ZNF385C: variants seen among roughly 807,000 people sequenced by gnomAD.
ZNF385C encodes the protein CTD-2132N18.2.
A neutral mutation model predicts 35.4 loss-of-function variants in ZNF385C; 28 were observed. That is an observed-to-expected ratio of 0.79 (90% CI 0.59 to 1.08). The LOEUF (loss-of-function observed/expected upper bound fraction) is 1.08. Ranked by LOEUF, ZNF385C falls within the 50% of genes least tolerant of loss-of-function variation. ZNF385C has a pLI of 0.00. For synonymous variants in ZNF385C, 248 were observed against 248.2 expected (o/e 1.00, Z 0.01); for missense variants, 605 against 595.6 (o/e 1.02, Z -0.16).
In ZNF385C at chr17:42,029,042, G is replaced by A; in HGVS notation, c.708C>T (p.Leu236=). The A allele has an allele frequency of 1.9e-6, 3 of 1,550,152 alleles. No individual in the cohort carries two copies. Among genetic ancestry groups the A allele is most frequent in the South Asian group, 1.2e-5 (1 of 84,058 alleles). Reference sequence around the variant, plus strand: ...TAGGGTCTGGAGTTGGTGGTGGCTGGAGTGGAGGCCCAAGAGGAGGGGCTG... The same window carrying A: ...TAGGGTCTGGAGTTGGTGGTGGCTGAAGTGGAGGCCCAAGAGGAGGGGCTG... ...VPAAPPLGPP[L]QPPPTPDPTC... is the part of the protein sequence containing the mutation. Residue 236 remains leucine (L), a synonymous_variant, in exon 6 of 9, where the codon CTC becomes CTT. Coordinates refer to ENST00000692273, the MANE Select transcript of ZNF385C (RefSeq NM_001392013.1).
chr17:42,079,046 G>C (rs1255519497), intron 1 of ZNF385C, among the ~76,000 whole-genome samples: 1 of 151,642 alleles, frequency 6.6e-6, no homozygotes, highest in Admixed American at 6.6e-5. Context: ...GATTAAATAA[G>C]ATAACAGAAT....
chr17:42,069,404 C>T (rs782072239), intron 1 of ZNF385C, among the ~76,000 whole-genome samples: 20 of 152,174 alleles, frequency 1.3e-4, no homozygotes, highest in Non-Finnish European at 2.5e-4. Flanking sequence ...GATTCCCTGC[C>T]TGTCCATCCA....
Position 42,026,403 on chromosome 17 carries a change from TCTC to T in ZNF385C, c.*491_*493del, listed in dbSNP as rs531412104. On this transcript the variant is annotated 3_prime_UTR_variant, in exon 9 of 9. Coordinates refer to ENST00000692273, the MANE Select transcript of ZNF385C (RefSeq NM_001392013.1). The stretch of plus-strand genomic sequence containing the variant: ...ATCGAAGGACTTTTGGGTCCCCCTT[TCTC>T]CTCCATGGTCCTCTGTCACACTCCC... 3.5e-5 allele frequency: 6 copies of T among 170,948 alleles called. No individual in the cohort carries two copies. The highest frequency in any genetic ancestry group is 7.6e-5 in the Non-Finnish European group (6 of 78,536). 10.6% of individuals were successfully genotyped at this position (170,948 alleles called of 1,614,324 possible).
chr17:42,065,465 TACA>T (rs1555658383), intron 1 of ZNF385C: 2 of 152,230 alleles, frequency 1.3e-5, no homozygotes, highest in African/African-American at 4.8e-5. Flanking sequence ...CACAAGACTA[TACA>T]TCCAACAGTG....
chr17:42,048,181 C>A (rs1555656805), intron 2 of ZNF385C, among the ~76,000 whole-genome samples: 1 of 151,974 alleles, frequency 6.6e-6, no homozygotes, highest in East Asian at 1.9e-4. Context: ...GGGCACCACA[C>A]CACTCCATCC....
intron 1 of ZNF385C, among the ~76,000 whole-genome samples, chr17:42,075,620 C>G (rs1455458522): frequency 6.6e-6 from 1 of 151,702 alleles, no homozygotes; most frequent in East Asian, 1.9e-4. Flanking sequence ...TCAGCCTCCC[C>G]AGTAGCTGGG....
intron 1 of ZNF385C, among the ~76,000 whole-genome samples, chr17:42,097,492 C>T (rs572171829): frequency 1.3e-5 from 2 of 152,284 alleles, no homozygotes; most frequent in East Asian, 3.9e-4. Context: ...GCGATGATCT[C>T]AGGAAGGTCC....
intron 5 of ZNF385C, among the ~76,000 whole-genome samples, chr17:42,029,735 A>G (rs966881506): frequency 4.0e-5 from 6 of 150,498 alleles, no homozygotes; most frequent in Non-Finnish European, 8.9e-5. Context: ...AACAAACAAA[A>G]AAAACACAGT....
chr17:42,094,680 G>A (rs2053899372), intron 1 of ZNF385C, among the ~76,000 whole-genome samples: 1 of 152,186 alleles, frequency 6.6e-6, no homozygotes, highest in Admixed American at 6.5e-5. Flanking sequence ...AGGCTCACGA[G>A]AACTACACAA....
At chr17:42,040,035 G>A (rs1025596881) in intron 2 of ZNF385C, 2 of 1,231,038 alleles carry the variant, frequency 1.6e-6, no homozygotes, top group African/African-American at 1.6e-5. Flanking sequence ...CGAATACTAC[G>A]CGCTTAAACA....
chr17:42,039,760 A>C (rs1322760254), intron 2 of ZNF385C: 1 of 1,232,278 alleles, frequency 8.1e-7, no homozygotes, highest in East Asian at 3.2e-5. Context: ...TAAGAACTCC[A>C]CAGCCAACCC....
At chr17:42,057,993 G>A (rs1437036134) in intron 2 of ZNF385C, among the ~76,000 whole-genome samples, 1 of 152,082 alleles carries the variant, frequency 6.6e-6, no homozygotes, top group African/African-American at 2.4e-5. Context: ...GACAGATGGG[G>A]GGTGGGCAGG....
intron 1 of ZNF385C, among the ~76,000 whole-genome samples, chr17:42,070,196 T>A (rs1415088735): frequency 6.7e-6 from 1 of 149,896 alleles, no homozygotes; most frequent in Non-Finnish European, 1.5e-5. Context: ...TACAAAAAAA[T>A]TAGCCAGGCG....
intron 3 of ZNF385C, among the ~76,000 whole-genome samples, chr17:42,034,676 C>T (rs1017871358): frequency 6.6e-6 from 1 of 150,418 alleles, no homozygotes; most frequent in Non-Finnish European, 1.5e-5. Flanking sequence ...CTCAGCTACT[C>T]GGGAGGCTGA....
chr17:42,032,041 T>TTTGTTGTTG (rs58515485), intron 4 of ZNF385C, among the ~76,000 whole-genome samples: 43 of 152,066 alleles, frequency 2.8e-4, no homozygotes, highest in African/African-American at 9.4e-4. Flanking sequence ...ACCACATCTT[T>TTTGTTGTTG]TTGTTGTTGT....
chr17:42,048,028 A>T (rs2053204299), intron 2 of ZNF385C, among the ~76,000 whole-genome samples: 1 of 151,960 alleles, frequency 6.6e-6, no homozygotes, highest in Admixed American at 6.5e-5. Context: ...GGCTTCTAGG[A>T]TCCCATGTTC....
chr17:42,041,825 G>A (rs1009591938), intron 2 of ZNF385C, among the ~76,000 whole-genome samples: 45 of 152,124 alleles, frequency 3.0e-4, no homozygotes, highest in African/African-American at 1.1e-3. Context: ...GGACAGAGCT[G>A]CAATTTGCAT....
At chr17:42,076,141 A>G (rs1266429284) in intron 1 of ZNF385C, among the ~76,000 whole-genome samples, 6 of 152,160 alleles carry the variant, frequency 3.9e-5, no homozygotes, top group Non-Finnish European at 8.8e-5. Flanking sequence ...CCACCCACAA[A>G]GACGTGGCTT....
intron 4 of ZNF385C, 33 bp downstream of exon 4, chr17:42,034,192 C>A (rs1555655189): frequency 2.0e-6 from 3 of 1,526,480 alleles, no homozygotes; most frequent in African/African-American, 1.4e-5. Flanking sequence ...GCCCAGCCCC[C>A]TCCCCAGACC....
Sources: allele counts gnomAD v4.1 joint callset (sites outside exome capture counted in the v4.1 genomes callset), GRCh38; gene constraint gnomAD v4.1.1; transcripts MANE v1.5; gene names NCBI Gene and HGNC (gene_info 2026-07-23, HGNC 2026-07-21).